Variants in UGT2A1 observed in about 807,000 individuals in gnomAD.
The protein encoded by UGT2A1 is UDP-glucuronosyltransferase 2A1.
UGT2A1 carries 61 observed loss-of-function variants against 45.4 expected under a neutral mutation model. The observed-to-expected ratio is 1.34, with a 90% CI of 1.09 to 1.66. UGT2A1 has a LOEUF of 1.66. UGT2A1 is among the 40% of genes most tolerant of loss of function. The probability of loss-of-function intolerance (pLI) is 0.00; values close to 1 mark genes in which losing one functional copy is unlikely to be tolerated. For synonymous variants in UGT2A1, 229 were observed against 196.2 expected (o/e 1.17, Z -1.40); for missense variants, 649 against 574.3 (o/e 1.13, Z -1.33).
rs147267228 is a variant in UGT2A1, at chr4:69,631,343, A to T, written c.847+4348T>A. ...ATGTTTTTATTTTATCATAAAATTA[A>T]AATGATAATATTTTGTAAATATATT... On this transcript the variant is annotated intron_variant, in intron 3 of 6. Coordinates refer to ENST00000286604, the MANE Select transcript of UGT2A1 (RefSeq NM_001252275.3). Among the ~76,000 whole-genome samples, 523 of 152,254 alleles carry T rather than the reference A, an allele frequency of 3.4e-3. 4 individuals carry two copies. Among genetic ancestry groups the T allele is most frequent in the Middle Eastern group, 0.017 (5 of 292 alleles).
intron 1 of UGT2A1, among the ~76,000 whole-genome samples, chr4:69,649,243 A>G (rs111943485): frequency 0.013 from 2,003 of 152,238 alleles, 45 homozygotes; most frequent in African/African-American, 0.044. Flanking sequence ...AATTACTTTT[A>G]TAAAGTACTG....
chr4:69,599,160 T>C, intron 4 of UGT2A1, 86 bp downstream of exon 4: 1 of 1,459,838 alleles, frequency 6.9e-7, no homozygotes, highest in Non-Finnish European at 9.0e-7. Flanking sequence ...CAGCAGCATT[T>C]ATTTGTTATT....
rs1722335509 is a variant in UGT2A1, at chr4:69,647,532, AT to A, written c.112del (p.Ile38Ter). On this transcript the variant is annotated frameshift_variant, in exon 2 of 7. Transcript: ENST00000286604. LOFTEE classifies it high-confidence loss of function. ...CTTTTTAATGAGCTCATCTATAATT[AT>A]CTTAACATTTAGCCAATGACTACCT... ...MEGSHWLNVK[I>X]IIDELIKKEH... The A allele has an allele frequency of 6.2e-7, 1 of 1,612,734 alleles. No homozygotes were observed. The highest frequency in any genetic ancestry group is 1.3e-5 in the African/African-American group (1 of 74,856).
At chr4:69,625,243 A>T (rs1720984606) in intron 3 of UGT2A1, among the ~76,000 whole-genome samples, 1 of 150,196 alleles carries the variant, frequency 6.7e-6, no homozygotes, top group Non-Finnish European at 1.5e-5. Context: ...ACTCTTCAAT[A>T]TATTGATTAT....
At chr4:69,595,916 C>A (rs796421426) in intron 4 of UGT2A1, among the ~76,000 whole-genome samples, 1 of 152,090 alleles carries the variant, frequency 6.6e-6, no homozygotes, top group East Asian at 1.9e-4. Context: ...ATGGAGCTAA[C>A]AAACTTCAAA....
chr4:69,647,526 A>G lies in UGT2A1; in HGVS notation c.119T>C (p.Ile40Thr), dbSNP rs759653597. The G allele has an allele frequency of 8.7e-6, 14 of 1,612,794 alleles. No individual in the cohort carries two copies. The Admixed American group carries it at 2.3e-4, about 27-fold the overall frequency. Reference sequence around the variant, plus strand: ...ATGCTCCTTTTTAATGAGCTCATCTATAATTATCTTAACATTTAGCCAATG... The same window carrying G: ...ATGCTCCTTTTTAATGAGCTCATCTGTAATTATCTTAACATTTAGCCAATG... Reference protein sequence around the residue: ...GSHWLNVKIIIDELIKKEHNV... With the variant: ...GSHWLNVKIITDELIKKEHNV... Residue 40 changes from isoleucine to threonine, a missense_variant, in exon 2 of 7, where the codon ATA becomes ACA. Ile to Thr is a moderately conservative substitution (Grantham distance 89, BLOSUM62 -1). Coordinates refer to ENST00000286604, the MANE Select transcript of UGT2A1 (RefSeq NM_001252275.3).
intron 3 of UGT2A1, among the ~76,000 whole-genome samples, chr4:69,634,209 C>T (rs1339967122): frequency 2.0e-5 from 3 of 152,078 alleles, no homozygotes; most frequent in Non-Finnish European, 2.9e-5. Context: ...CGCGCCACTG[C>T]ACTCCAGCCT....
intron 4 of UGT2A1, among the ~76,000 whole-genome samples, chr4:69,596,014 A>T (rs1718900029): frequency 6.6e-6 from 1 of 152,222 alleles, no homozygotes; most frequent in African/African-American, 2.4e-5. Flanking sequence ...ATTCCATTAA[A>T]AATAAATGAC....
At chr4:69,605,638 G>A (rs773714205) in intron 3 of UGT2A1, among the ~76,000 whole-genome samples, 1 of 136,308 alleles carries the variant, frequency 7.3e-6, no homozygotes, top group Non-Finnish European at 1.6e-5. Flanking sequence ...CCAGGAGCTG[G>A]TTTTTTGAAA....
chr4:69,598,017 G>A (rs1015355552), intron 4 of UGT2A1, among the ~76,000 whole-genome samples: 14 of 152,024 alleles, frequency 9.2e-5, no homozygotes, highest in Admixed American at 7.2e-4. Context: ...GTAAAAAGTG[G>A]GTTTGGGAGG....
In UGT2A1 at chr4:69,623,623, TCA is replaced by T. The variant is rs536379903; in HGVS notation, c.847+12066_847+12067del. Among the ~76,000 whole-genome samples the T allele has an allele frequency of 3.6e-4, 55 of 151,570 alleles. 2 individuals carry two copies. In the South Asian group the frequency reaches 0.011, roughly 30 times the overall value. ...ATACAACAGATGCAAAGAATTGAAG[TCA>T]CAGTTTTAAAGAGCAAATGAGCAGC... On this transcript the variant is annotated intron_variant, in intron 3 of 6. Coordinates refer to ENST00000286604, the MANE Select transcript of UGT2A1 (RefSeq NM_001252275.3).
intron 3 of UGT2A1, among the ~76,000 whole-genome samples, chr4:69,609,600 C>G (rs926495986): frequency 8.5e-5 from 13 of 152,138 alleles, no homozygotes; most frequent in Non-Finnish European, 1.5e-4. Context: ...GGAAATATAA[C>G]ACCCTACTCG....
chr4:69,613,248 A>C (rs145734385), intron 3 of UGT2A1, among the ~76,000 whole-genome samples: 16 of 152,078 alleles, frequency 1.1e-4, no homozygotes, highest in African/African-American at 3.9e-4. Context: ...AAGTAAACAG[A>C]TACCTAGACA....
rs1332311733 is a variant in UGT2A1 at position 69,598,406 on chromosome 4, C to T, written c.996+840G>A. ...CTGTACTCTATTTTGCTTCTCAACACTTTTTCTGTATAACATTTCTTATAT... is the reference window on the plus strand; with the variant it reads ...CTGTACTCTATTTTGCTTCTCAACATTTTTTCTGTATAACATTTCTTATAT... On this transcript the variant is annotated intron_variant, in intron 4 of 6. Transcript: ENST00000286604. Among the ~76,000 whole-genome samples the T allele has an allele frequency of 2.6e-5, 4 of 152,184 alleles. No homozygotes were observed. In the East Asian group the frequency reaches 7.7e-4, roughly 29 times the overall value.
At chr4:69,621,571 C>T (rs914353977) in intron 3 of UGT2A1, among the ~76,000 whole-genome samples, 3 of 151,638 alleles carry the variant, frequency 2.0e-5, no homozygotes, top group African/African-American at 7.3e-5. Context: ...AATTAGTTCA[C>T]CCATTGTGGA....
chr4:69,630,151 C>T (rs1022367015), intron 3 of UGT2A1, among the ~76,000 whole-genome samples: 3 of 151,968 alleles, frequency 2.0e-5, no homozygotes, highest in Non-Finnish European at 4.4e-5. Flanking sequence ...GATCAGGGCT[C>T]TAAGTTTCCA....
At chr4:69,645,687 A>G (rs1222924695) in intron 2 of UGT2A1, among the ~76,000 whole-genome samples, 1 of 151,756 alleles carries the variant, frequency 6.6e-6, no homozygotes, top group African/African-American at 2.4e-5. Context: ...TCAGGTCATA[A>G]TATTTCCCTT....
At chr4:69,609,683 C>A (rs1719914326) in intron 3 of UGT2A1, among the ~76,000 whole-genome samples, 1 of 129,736 alleles carries the variant, frequency 7.7e-6, no homozygotes, top group Non-Finnish European at 1.7e-5. Flanking sequence ...TACCTATACC[C>A]ACACCTATAC....
chr4:69,612,756 G>C (rs1394323929), intron 3 of UGT2A1, among the ~76,000 whole-genome samples: 1 of 151,826 alleles, frequency 6.6e-6, no homozygotes, highest in East Asian at 1.9e-4. Context: ...TTAAATGGAA[G>C]ACCTCAAAGT....
Sources: allele counts gnomAD v4.1 joint callset (sites outside exome capture counted in the v4.1 genomes callset), GRCh38; gene constraint gnomAD v4.1.1; transcripts MANE v1.5; gene names NCBI Gene and HGNC (gene_info 2026-07-23, HGNC 2026-07-21).